Variants in DNAH2 observed in about 807,000 individuals in gnomAD.
DNAH2 encodes dynein axonemal heavy chain 2.
In DNAH2, 323 loss-of-function variants were observed where a neutral mutation model predicts 523.5. The observed-to-expected ratio is 0.62, with a 90% CI of 0.56 to 0.68. The LOEUF (loss-of-function observed/expected upper bound fraction) is 0.68. Among genes scored for constraint, DNAH2 ranks in the 30% least tolerant of loss-of-function variants. The probability of loss-of-function intolerance (pLI) is 0.00; values close to 1 mark genes in which losing one functional copy is unlikely to be tolerated. For missense variants in DNAH2, 4,907 were observed against 5,701.5 expected (o/e 0.86, Z 4.49); for synonymous variants, 2,093 against 2,177.4 (o/e 0.96, Z 1.08).
At position 7,776,869 on chromosome 17, in the gene DNAH2, A is replaced by G. The variant is rs766563105; in HGVS notation, c.5038A>G (p.Lys1680Glu). The G allele has an allele frequency of 5.6e-6, 9 of 1,610,728 alleles. No homozygotes were observed. Among genetic ancestry groups the G allele is most frequent in the Non-Finnish European group, 6.8e-6 (8 of 1,177,824 alleles). ...AKERADKKIL[K>E]VMKKNQVSIL... ...GGAGCGGGCAGACAAGAAAATCCTC[A>G]AGGTCATGAAGAAGAACCAGGTGAG... The change falls in exon 32 of 86, where the codon AAG becomes GAG. Residue 1680 changes from lysine (K) to glutamate (E), a missense_variant. Physicochemically the swap from Lys to Glu is moderately conservative, Grantham distance 56 (BLOSUM62 1). Transcript: ENST00000572933.
intron 73 of DNAH2, 70 bp from the exon 74 acceptor site, chr17:7,823,372 G>GAGT: frequency 3.7e-6 from 4 of 1,071,976 alleles, no homozygotes; most frequent in Admixed American, 2.4e-5. Flanking sequence ...AGAGAGAGAG[G>GAGT]AGAAAAAGAT....
At chr17:7,824,489 GGCA>G (rs2077964012) in intron 76 of DNAH2, 45 bp from the exon 77 acceptor site, 1 of 1,479,980 alleles carries the variant, frequency 6.8e-7, no homozygotes. Flanking sequence ...CATGAGGACA[GGCA>G]GGGCTTAGGA....
At position 7,798,892 on chromosome 17, in the gene DNAH2, T is replaced by C. The variant is rs2077143664; in HGVS notation, c.8559+174T>C. On this transcript the variant is annotated intron_variant, in intron 55 of 85. Coordinates refer to ENST00000572933, the MANE Select transcript of DNAH2 (RefSeq NM_020877.5). The surrounding 1 kb of genome is among the most constrained non-coding windows in gnomAD (Gnocchi z 5.5). ...CTCCAGGGACCCTGGGCAGAGCTGC[T>C]TTAAAACCCACGCTTCAGAGCCAGG... 6.6e-6 allele frequency among the ~76,000 whole-genome samples: 1 copy of C among 152,192 alleles called. No homozygotes were observed. The highest frequency in any genetic ancestry group is 1.5e-5 in the Non-Finnish European group (1 of 68,020).
Position 7,768,258 on chromosome 17 carries a change from T to G in DNAH2, c.3932T>G (p.Leu1311Arg). The G allele has an allele frequency of 6.2e-7, 1 of 1,614,182 alleles. No homozygotes were observed. Among genetic ancestry groups the G allele is most frequent in the Non-Finnish European group, 8.5e-7 (1 of 1,180,032 alleles). The change falls in exon 24 of 86, where the codon CTT (leucine) becomes CGT (arginine). Residue 1311 changes from leucine (L) to arginine (R), a missense_variant. Physicochemically the swap from Leu to Arg is moderately radical, Grantham distance 102. Around this residue, in one of 3 missense-constraint regions of DNAH2, gnomAD observed 2,806 missense variants for 3,190.8 expected, o/e 0.88. Coordinates refer to ENST00000572933, the MANE Select transcript of DNAH2 (RefSeq NM_020877.5). ...PLISDLRNPA[L>R]RERHWDQVRD... ...ATCTCAGACCTGCGGAACCCTGCCC[T>G]TAGAGAGAGGTGAGGCTTCTCCTCT...
rs200312548 is a variant in DNAH2 at position 7,766,311 on chromosome 17, T to G, written c.3512-7T>G. ...GGAAGCTGAGCTTCATCCTGAATCC[T>G]CCACAGGCCATTTCACCAGCAACGT... On this transcript the variant is annotated splice_polypyrimidine_tract_variant and splice_region_variant and intron_variant, in intron 21 of 85. Coordinates refer to ENST00000572933, the MANE Select transcript of DNAH2 (RefSeq NM_020877.5). The G allele has an allele frequency of 3.9e-5, 63 of 1,611,654 alleles. No homozygotes were observed. Among genetic ancestry groups the G allele is most frequent in the Non-Finnish European group, 5.3e-5 (62 of 1,178,222 alleles).
In DNAH2 at chr17:7,727,274, G is replaced by T. The variant is rs367657705; in HGVS notation, c.381G>T (p.Glu127Asp). 1.9e-6 allele frequency: 3 copies of T among 1,611,980 alleles called. No individual in the cohort carries two copies. The African/African-American group carries it at 4.0e-5, about 22-fold the overall frequency. The change falls in exon 4 of 86, where the codon GAG becomes GAT. Residue 127 changes from glutamate to aspartate, a missense_variant. Transcript: ENST00000572933. ...FIDPCFGLKL[E>D]LGMPVQTQNQ... ...ACCCTTGTTTTGGGCTGAAGCTAGAGCTGGGCATGCCTGTACAGGTGCGTA... is the reference window on the plus strand; with the variant it reads ...ACCCTTGTTTTGGGCTGAAGCTAGATCTGGGCATGCCTGTACAGGTGCGTA...
At position 7,804,311 on chromosome 17, in the gene DNAH2, G is replaced by A. The variant is rs1015453783; in HGVS notation, c.9028G>A (p.Gly3010Ser). 1.9e-6 allele frequency: 3 copies of A among 1,614,070 alleles called. No individual in the cohort carries two copies. The African/African-American group carries it at 4.0e-5, about 22-fold the overall frequency. The change falls in exon 59 of 86, where the codon GGC (glycine) becomes AGC (serine). Residue 3010 changes from glycine (G) to serine (S), a missense_variant. Around this residue, in one of 3 missense-constraint regions of DNAH2, gnomAD observed 1,851 missense variants for 2,139.4 expected, o/e 0.87. Coordinates refer to ENST00000572933, the MANE Select transcript of DNAH2 (RefSeq NM_020877.5). ...LLAQANKLRTGLFKIDETREK... is the reference protein window; with the variant it reads ...LLAQANKLRTSLFKIDETREK... ...GGCCCAAGCCAATAAACTGCGGACA[G>A]GCTTGTTCAAGATCGACGAAACTAG...
Position 7,760,038 on chromosome 17 carries a change from G to A in DNAH2, c.2785+100G>A. The A allele has an allele frequency of 3.2e-6, 5 of 1,553,764 alleles. No individual in the cohort carries two copies. In the South Asian group the frequency reaches 4.7e-5, roughly 14 times the overall value. On this transcript the variant is annotated intron_variant, in intron 17 of 85. Transcript: ENST00000572933. This position sits in a 1 kb window ranked among gnomAD's most constrained non-coding sequence, Gnocchi z 4.0. ...CCAGGGCTATTTCCAGGCATACTGGGCCAGTCACCTCCCTGACCTGGGGAA... is the reference window on the plus strand; with the variant it reads ...CCAGGGCTATTTCCAGGCATACTGGACCAGTCACCTCCCTGACCTGGGGAA...
At chr17:7,811,817 C>T (rs1479402742) in intron 63 of DNAH2, among the ~76,000 whole-genome samples, 5 of 152,098 alleles carry the variant, frequency 3.3e-5, no homozygotes, top group African/African-American at 7.2e-5. Flanking sequence ...ACATTTGGAC[C>T]GTAGCAGGGT....
intron 12 of DNAH2, among the ~76,000 whole-genome samples, chr17:7,749,307 C>A (rs139291088): frequency 0.92 from 48,266 of 52,348 alleles, 22,116 homozygotes; most frequent in Middle Eastern, 0.94. Context: ...AAACTCCCCC[C>A]CAAAAAAAAA....
At chr17:7,725,729 A>G (rs1295441425) in intron 3 of DNAH2, among the ~76,000 whole-genome samples, 1 of 123,974 alleles carries the variant, frequency 8.1e-6, no homozygotes, top group African/African-American at 3.1e-5. Context: ...GATTACAGGC[A>G]TGAGCCACCA....
intron 25 of DNAH2, 39 bp from the exon 26 acceptor site, chr17:7,770,518 A>C (rs748950565): frequency 1.2e-6 from 2 of 1,613,450 alleles, no homozygotes; most frequent in Admixed American, 3.3e-5. Flanking sequence ...CTTAGTGAAG[A>C]GATACCTGAC....
chr17:7,743,287 TTC>T, intron 12 of DNAH2, 145 bp downstream of exon 12: 2 of 961,404 alleles, frequency 2.1e-6, no homozygotes, highest in Non-Finnish European at 3.2e-6. Flanking sequence ...ACTTTTTTTT[TTC>T]TTCTTTTATT....
chr17:7,754,974 A>C lies in DNAH2; in HGVS notation c.1905-2117A>C. On this transcript the variant is annotated intron_variant, in intron 12 of 85. Transcript: ENST00000572933. This position sits in a 1 kb window ranked among gnomAD's most constrained non-coding sequence, Gnocchi z 4.6. ...CAAATAAGCCTGAGGCAGAAAAAAA[A>C]AAAAAAAGAATAGGCAGCCCAGGAA... 2.4e-6 allele frequency: 1 copy of C among 410,194 alleles called. No homozygotes were observed. The highest frequency in any genetic ancestry group is 4.3e-6 in the Non-Finnish European group (1 of 231,242). 25.4% of individuals were successfully genotyped at this position (410,194 alleles called of 1,614,324 possible).
chr17:7,726,075 G>A (rs1003632192), intron 3 of DNAH2, among the ~76,000 whole-genome samples: 2 of 151,700 alleles, frequency 1.3e-5, no homozygotes, highest in African/African-American at 4.8e-5. Flanking sequence ...GTGCAATCTC[G>A]GGTCACTGCA....
intron 63 of DNAH2, among the ~76,000 whole-genome samples, chr17:7,816,017 C>G (rs2077656261): frequency 6.6e-6 from 1 of 152,202 alleles, no homozygotes; most frequent in Non-Finnish European, 1.5e-5. Context: ...CCAGGCTGGT[C>G]TCAAGCTCCT....
rs1157819248 is a variant in DNAH2 at position 7,792,778 on chromosome 17, A to G, written c.7267A>G (p.Thr2423Ala). 1 of 1,613,882 alleles carries G rather than the reference A, an allele frequency of 6.2e-7. No individual in the cohort carries two copies. The highest frequency in any genetic ancestry group is 8.5e-7 in the Non-Finnish European group (1 of 1,179,996). ...LLVGPVGTGK[T>A]SIAQSVLQSL... ...GGTGGGTCCCGTGGGGACTGGGAAG[A>G]CCTCCATCGCCCAGAGCGTTCTGCA... is the stretch of plus-strand genomic sequence containing the variant. Residue 2423 changes from threonine (T) to alanine (A), a missense_variant, in exon 47 of 86, where the codon ACC (threonine) becomes GCC (alanine). Physicochemically the swap from Thr to Ala is moderately conservative, Grantham distance 58. Around this residue, in one of 3 missense-constraint regions of DNAH2, gnomAD observed 2,806 missense variants for 3,190.8 expected, o/e 0.88. Coordinates refer to ENST00000572933, the MANE Select transcript of DNAH2 (RefSeq NM_020877.5).
At position 7,818,787 on chromosome 17, in the gene DNAH2, G is replaced by A. The variant is rs748757782; in HGVS notation, c.10670+11G>A. On this transcript the variant is annotated intron_variant, in intron 70 of 85. Coordinates refer to ENST00000572933, the MANE Select transcript of DNAH2 (RefSeq NM_020877.5). ...GGATGAGATCCTGCGGTGAGGCCCT[G>A]CCTTCCCCTCCCACTGCCCCACGGG... 2 of 1,613,824 alleles carry A rather than the reference G, an allele frequency of 1.2e-6. No homozygotes were observed. Among genetic ancestry groups the A allele is most frequent in the African/African-American group, 2.7e-5 (2 of 74,876 alleles).
At chr17:7,785,718 C>T (rs2076715054) in intron 39 of DNAH2, among the ~76,000 whole-genome samples, 2 of 152,192 alleles carry the variant, frequency 1.3e-5, no homozygotes, top group African/African-American at 4.8e-5. Flanking sequence ...ACTGTGAGCT[C>T]TGCAATAGGA....
Sources: allele counts gnomAD v4.1 joint callset (sites outside exome capture counted in the v4.1 genomes callset), GRCh38; gene constraint gnomAD v4.1.1; regional missense constraint gnomAD v4.1.1; non-coding constraint Gnocchi (gnomAD v3.1); transcripts MANE v1.5; gene names NCBI Gene and HGNC (gene_info 2026-07-23, HGNC 2026-07-21).